The following COMMD10 variants were observed in gnomAD, a reference collection of about 807,000 sequenced individuals.
The protein encoded by COMMD10 is COMM domain-containing protein 10.
In COMMD10, 33 loss-of-function variants were observed where a neutral mutation model predicts 28.9. The observed-to-expected ratio is 1.14, with a 90% CI of 0.87 to 1.53. The LOEUF (loss-of-function observed/expected upper bound fraction) is 1.53, where lower values mean the gene tolerates loss of function less well. Ranked by LOEUF, COMMD10 falls within the 40% of genes most tolerant of loss-of-function variation. The probability of loss-of-function intolerance (pLI) is 0.00; values close to 1 mark genes in which losing one functional copy is unlikely to be tolerated. For synonymous variants in COMMD10, 110 were observed against 81.7 expected, an observed-to-expected ratio of 1.35 and a Z score of -1.87; for missense variants, 310 against 233.4, an observed-to-expected ratio of 1.33 and a Z score of -2.14.
intron 5 of COMMD10, among the ~76,000 whole-genome samples, chr5:116,270,549 T>G (rs1750727095): frequency 6.6e-6 from 1 of 151,868 alleles, no homozygotes; most frequent in African/African-American, 2.4e-5. Flanking sequence ...TTCTGATTTC[T>G]GAAAAATGAG....
rs956796658 is a variant in COMMD10, at chr5:116,259,660, C to G, written c.511-31857C>G. On this transcript the variant is annotated intron_variant, in intron 5 of 6. Transcript: ENST00000274458. Reference sequence around the variant, plus strand: ...TTTTACTTCTTGTACTATGTAGATTCTCATTACAGAAGCCTTCATCCAATA... The same window carrying G: ...TTTTACTTCTTGTACTATGTAGATTGTCATTACAGAAGCCTTCATCCAATA... Among the ~76,000 whole-genome samples, 9 of 151,668 alleles carry G rather than the reference C, an allele frequency of 5.9e-5. 1 individual carries two copies. The highest frequency in any genetic ancestry group is 2.0e-4 in the Admixed American group (3 of 15,206).
intron 5 of COMMD10, among the ~76,000 whole-genome samples, chr5:116,185,666 A>C (rs921525247): frequency 1.3e-5 from 2 of 152,164 alleles, no homozygotes; most frequent in African/African-American, 4.8e-5. Flanking sequence ...TTCTGGTGGA[A>C]AAATTCCTTG....
chr5:116,281,845 AC>A (rs1329897122), intron 5 of COMMD10, among the ~76,000 whole-genome samples: 4 of 151,794 alleles, frequency 2.6e-5, no homozygotes, highest in African/African-American at 9.7e-5. Context: ...ACACCTGCAT[AC>A]CCTGGATATT....
chr5:116,140,325 A>G (rs566816869), intron 5 of COMMD10, among the ~76,000 whole-genome samples: 23 of 151,710 alleles, frequency 1.5e-4, no homozygotes, highest in East Asian at 3.9e-4. Context: ...ACATACCACA[A>G]TTTATCCATT....
intron 5 of COMMD10, among the ~76,000 whole-genome samples, chr5:116,134,710 C>G (rs1751974869): frequency 6.6e-6 from 1 of 152,060 alleles, no homozygotes; most frequent in Non-Finnish European, 1.5e-5. Flanking sequence ...AGGCTCCGCC[C>G]CCTGGGGTTC....
chr5:116,239,116 C>G (rs141584756), intron 5 of COMMD10, among the ~76,000 whole-genome samples: 1 of 152,034 alleles, frequency 6.6e-6, no homozygotes, highest in East Asian at 1.9e-4. Flanking sequence ...GTTTTTTTGC[C>G]AATCGCAAAT....
intron 5 of COMMD10, among the ~76,000 whole-genome samples, chr5:116,152,183 A>T (rs927147478): frequency 2.0e-5 from 3 of 152,108 alleles, no homozygotes; most frequent in Non-Finnish European, 4.4e-5. Flanking sequence ...GAGTTTCTTA[A>T]TCCTGAGTTC....
chr5:116,282,359 A>C (rs1751093406), intron 5 of COMMD10, among the ~76,000 whole-genome samples: 1 of 151,898 alleles, frequency 6.6e-6, no homozygotes, highest in Non-Finnish European at 1.5e-5. Context: ...AGTTTGGAGA[A>C]ACTCCAAACT....
intron 5 of COMMD10, among the ~76,000 whole-genome samples, chr5:116,286,241 C>T (rs1472302405): frequency 6.6e-6 from 1 of 151,236 alleles, no homozygotes; most frequent in Non-Finnish European, 1.5e-5. Flanking sequence ...TTATTTGGGT[C>T]TTCCTTCTTT....
chr5:116,174,762 C>G (rs979894230), intron 5 of COMMD10, among the ~76,000 whole-genome samples: 9 of 152,092 alleles, frequency 5.9e-5, no homozygotes, highest in Non-Finnish European at 1.2e-4. Flanking sequence ...CTTTCCTAAC[C>G]ATGTTGGATC....
intron 5 of COMMD10, among the ~76,000 whole-genome samples, chr5:116,187,997 C>G (rs572157669): frequency 2.6e-5 from 4 of 152,088 alleles, no homozygotes; most frequent in African/African-American, 9.7e-5. Context: ...TATATAGATT[C>G]AGATCTGGAC....
At chr5:116,172,595 C>T (rs1406031109) in intron 5 of COMMD10, among the ~76,000 whole-genome samples, 1 of 152,064 alleles carries the variant, frequency 6.6e-6, no homozygotes, top group Admixed American at 6.6e-5. Flanking sequence ...TAGTCTGATA[C>T]TTTAGAAAAC....
chr5:116,211,527 C>A (rs1335680771), intron 5 of COMMD10, among the ~76,000 whole-genome samples: 2 of 152,092 alleles, frequency 1.3e-5, no homozygotes, highest in African/African-American at 2.4e-5. Flanking sequence ...ATGGGGCCAC[C>A]ATTGTATGTG....
At chr5:116,101,146 A>T (rs1750645280) in intron 4 of COMMD10, among the ~76,000 whole-genome samples, 1 of 152,240 alleles carries the variant, frequency 6.6e-6, no homozygotes, top group Admixed American at 6.5e-5. Flanking sequence ...CCAGTCATCC[A>T]ATGATGGACA....
chr5:116,233,373 G>A (rs1749576897), intron 5 of COMMD10, among the ~76,000 whole-genome samples: 1 of 152,128 alleles, frequency 6.6e-6, no homozygotes, highest in Non-Finnish European at 1.5e-5. Context: ...ATAAGGGTCA[G>A]TGCTATCAGC....
At chr5:116,124,381 A>C (rs543597763) in intron 4 of COMMD10, among the ~76,000 whole-genome samples, 1 of 152,080 alleles carries the variant, frequency 6.6e-6, no homozygotes, top group African/African-American at 2.4e-5. Context: ...ATGCAGTTTT[A>C]AGTGAGTTTC....
At chr5:116,215,018 C>T (rs1749060874) in intron 5 of COMMD10, among the ~76,000 whole-genome samples, 1 of 151,992 alleles carries the variant, frequency 6.6e-6, no homozygotes, top group Admixed American at 6.6e-5. Flanking sequence ...AGAGGATTTT[C>T]ATTTTTTCTT....
intron 5 of COMMD10, among the ~76,000 whole-genome samples, chr5:116,151,750 C>T (rs974493548): frequency 6.6e-6 from 1 of 152,004 alleles, no homozygotes; most frequent in African/African-American, 2.4e-5. Flanking sequence ...TCTCTCTTTT[C>T]TTCTTTATTA....
chr5:116,191,227 A>T (rs1748361212), intron 5 of COMMD10, among the ~76,000 whole-genome samples: 1 of 151,894 alleles, frequency 6.6e-6, no homozygotes, highest in African/African-American at 2.4e-5. Context: ...AGGGGGCAAA[A>T]CTCCACAGAG....
Sources: gnomAD v4.1 joint callset for allele counts (sites outside exome capture counted in the v4.1 genomes callset) on GRCh38, gnomAD v4.1.1 for gene constraint, MANE v1.5 for transcripts, NCBI Gene and HGNC (gene_info 2026-07-23, HGNC 2026-07-21) for gene names.